Variants in GPR89B observed in about 807,000 individuals in gnomAD.
GPR89B encodes G protein-coupled receptor 89B.
In GPR89B, 25 loss-of-function variants were observed where a neutral mutation model predicts 52.4. That is an observed-to-expected ratio of 0.48 (90% CI 0.35 to 0.67). The LOEUF is 0.67. GPR89B is among the 30% of genes least tolerant of loss of function. The probability of loss-of-function intolerance (pLI) is 0.01; values close to 1 mark genes in which losing one functional copy is unlikely to be tolerated. For missense variants in GPR89B, 146 were observed against 450.2 expected (o/e 0.32, Z 6.11); for synonymous variants, 52 against 151.2 (o/e 0.34, Z 4.81).
intron 10 of GPR89B, among the ~76,000 whole-genome samples, chr1:147,983,122 A>C (rs1441194319): frequency 6.6e-6 from 1 of 152,218 alleles, no homozygotes; most frequent in African/African-American, 2.4e-5. Context: ...CTGGCTAGCC[A>C]TATGTAGATG....
intron 10 of GPR89B, among the ~76,000 whole-genome samples, chr1:147,981,409 G>A (rs1658243632): frequency 1.3e-5 from 2 of 148,350 alleles, no homozygotes; most frequent in African/African-American, 5.0e-5. Context: ...GGCTGAGGCG[G>A]GGGAGGATCG....
chr1:147,988,342 C>CA, intron 11 of GPR89B, 90 bp from the exon 12 acceptor site: 4 of 1,567,034 alleles, frequency 2.6e-6, no homozygotes, highest in South Asian at 2.2e-5. Flanking sequence ...AGCTCCCTCT[C>CA]ACAGTCATGT....
At chr1:148,012,988 G>A in the GPR89B span, among the ~76,000 whole-genome samples, 55 of 151,874 alleles carry the variant, frequency 3.6e-4, 1 homozygote, top group Non-Finnish European at 6.8e-4. Flanking sequence ...GACTATATTC[G>A]GACAATGAAA....
chr1:147,979,785 T>C (rs1476574947), intron 10 of GPR89B, among the ~76,000 whole-genome samples: 1 of 152,008 alleles, frequency 6.6e-6, no homozygotes, highest in Non-Finnish European at 1.5e-5. Context: ...TTTGCTAAAA[T>C]TACGTTAAGA....
chr1:147,980,579 A>T (rs1394570994), intron 10 of GPR89B, among the ~76,000 whole-genome samples: 1 of 142,602 alleles, frequency 7.0e-6, no homozygotes, highest in Admixed American at 7.1e-5. Context: ...ATACAATACA[A>T]TATACTCATT....
At chr1:148,009,444 G>A in the GPR89B span, 58 of 1,601,848 alleles carry the variant, frequency 3.6e-5, no homozygotes, top group African/African-American at 7.0e-4. Flanking sequence ...CATCACAGGG[G>A]AAAGTATATT....
the GPR89B span, among the ~76,000 whole-genome samples, chr1:148,018,288 G>A: frequency 8.2e-4 from 119 of 144,972 alleles, 2 homozygotes; most frequent in Non-Finnish European, 1.5e-3. Flanking sequence ...GCGTGGTGGC[G>A]GGTGCCTTTA....
At chr1:147,989,305 A>G (rs1425191254) in intron 12 of GPR89B, among the ~76,000 whole-genome samples, 2 of 152,368 alleles carry the variant, frequency 1.3e-5, no homozygotes, top group South Asian at 2.1e-4. Flanking sequence ...TGTTTCATTC[A>G]ACATTTCATT....
intron 7 of GPR89B, among the ~76,000 whole-genome samples, chr1:147,965,909 T>C (rs1338186187): frequency 6.6e-6 from 1 of 151,912 alleles, no homozygotes; most frequent in Admixed American, 6.6e-5. Context: ...TGCAGTGGCG[T>C]GATCTCAGCT....
At chr1:148,004,367 G>A in the GPR89B span, among the ~76,000 whole-genome samples, 1 of 146,448 alleles carries the variant, frequency 6.8e-6, no homozygotes, top group African/African-American at 2.6e-5. Flanking sequence ...GTGTTTCACC[G>A]TGTTAGCCAG....
chr1:147,932,329 T>C (rs763839527), intron 1 of GPR89B, among the ~76,000 whole-genome samples: 1 of 152,018 alleles, frequency 6.6e-6, no homozygotes, highest in Non-Finnish European at 1.5e-5. Flanking sequence ...TCTTAAACCC[T>C]CTTGTTCGTT....
chr1:147,983,554 A>C (rs1389644682), intron 10 of GPR89B, among the ~76,000 whole-genome samples: 32 of 151,336 alleles, frequency 2.1e-4, no homozygotes, highest in Non-Finnish European at 4.0e-4. Context: ...GACATTTATG[A>C]CGCCAAAAAA....
chr1:147,979,920 C>T (rs1198613707), intron 10 of GPR89B, among the ~76,000 whole-genome samples: 5 of 151,578 alleles, frequency 3.3e-5, no homozygotes, highest in Non-Finnish European at 5.9e-5. Flanking sequence ...AAGACCCCAT[C>T]TCAGCAAAAC....
chr1:147,989,205 G>A (rs1658879591), intron 12 of GPR89B, among the ~76,000 whole-genome samples: 1 of 149,362 alleles, frequency 6.7e-6, no homozygotes, highest in South Asian at 2.2e-4. Flanking sequence ...TGGAAGTAAG[G>A]GAGCAGAATA....
chr1:147,952,785 T>A (rs1194420349), intron 5 of GPR89B, among the ~76,000 whole-genome samples: 7 of 151,290 alleles, frequency 4.6e-5, no homozygotes, highest in Admixed American at 3.3e-4. Context: ...AGGATACAAT[T>A]TATAATCCGA....
chr1:147,929,125 C>T (rs1653307153), intron 1 of GPR89B: 1 of 334,724 alleles, frequency 3.0e-6, no homozygotes, highest in African/African-American at 2.2e-5. Context: ...TGCACTGACA[C>T]CTCGTCCTTT....
chr1:148,013,807 G>C, the GPR89B span, among the ~76,000 whole-genome samples: 1 of 152,064 alleles, frequency 6.6e-6, no homozygotes, highest in Non-Finnish European at 1.5e-5. Context: ...TGCTGGAGAG[G>C]AGGCTAGGTC....
the GPR89B span, among the ~76,000 whole-genome samples, chr1:148,021,561 A>G: frequency 6.6e-6 from 1 of 151,356 alleles, no homozygotes; most frequent in Non-Finnish European, 1.5e-5. Flanking sequence ...GGGCCCAGGG[A>G]AAGGGGAGGC....
intron 7 of GPR89B, among the ~76,000 whole-genome samples, chr1:147,959,581 G>T (rs1368694826): frequency 1.3e-5 from 2 of 152,036 alleles, no homozygotes; most frequent in Admixed American, 6.6e-5. Context: ...GTACAGATTG[G>T]TAAGAGTTTA....
Sources: gnomAD v4.1 joint callset for allele counts (sites outside exome capture counted in the v4.1 genomes callset) on GRCh38, gnomAD v4.1.1 for gene constraint, MANE v1.5 for transcripts, NCBI Gene and HGNC (gene_info 2026-07-23, HGNC 2026-07-21) for gene names.